The following ATP6V0E2 variants were observed in gnomAD, a reference collection of about 807,000 sequenced individuals.
ATP6V0E2 encodes the protein V-type proton ATPase subunit e 2.
ATP6V0E2 carries 4 observed loss-of-function variants against 11.5 expected under a neutral mutation model. That is an observed-to-expected ratio of 0.35 (90% confidence interval 0.17 to 0.80). The LOEUF (loss-of-function observed/expected upper bound fraction) is 0.80. Ranked by LOEUF, ATP6V0E2 falls within the 30% of genes least tolerant of loss-of-function variation. The pLI, the probability that ATP6V0E2 is intolerant of heterozygous loss-of-function variation, is 0.53. For synonymous variants in ATP6V0E2, 52 were observed against 51.0 expected (o/e 1.02, Z -0.09); for missense variants, 93 against 113.5 (o/e 0.82, Z 0.82).
chr7:149,873,372 G>C (rs1802933935), upstream of ATP6V0E2: 1 of 152,452 alleles, frequency 6.6e-6, no homozygotes, highest in Admixed American at 6.5e-5. Flanking sequence ...TCCGCTTCCC[G>C]CCATCGAAAC....
At chr7:149,877,630 T>A (rs967886293) in intron 2 of ATP6V0E2, among the ~76,000 whole-genome samples, 1 of 151,642 alleles carries the variant, frequency 6.6e-6, no homozygotes, top group Non-Finnish European at 1.5e-5. Context: ...CTAATGCTAT[T>A]TCTAGGTCCT....
chr7:149,874,129 A>G lies in ATP6V0E2; in HGVS notation c.64A>G (p.Ile22Val), dbSNP rs889602577. 1.7e-5 allele frequency: 26 copies of G among 1,549,740 alleles called. No individual in the cohort carries two copies. Among genetic ancestry groups the G allele is most frequent in the South Asian group, 4.8e-5 (4 of 84,060 alleles). The change falls in exon 1 of 4, where the codon ATC becomes GTC. Residue 22 changes from isoleucine (I) to valine (V), a missense_variant. By Grantham distance (29) the Ile-to-Val change is conservative. Transcript: ENST00000425642. ...CACCACGTTCTGGGGCCTCGTCGGC[A>G]TCGCCGGGCCCTGGTTCGTGCCGAA... is the stretch of plus-strand genomic sequence containing the variant. ...IFTTFWGLVGIAGPWFVPKGP... is the reference protein window; with the variant it reads ...IFTTFWGLVGVAGPWFVPKGP...
chr7:149,875,584 C>T lies in ATP6V0E2; in HGVS notation c.105-14C>T. The T allele has an allele frequency of 6.2e-7, 1 of 1,613,750 alleles. No individual in the cohort carries two copies. Among genetic ancestry groups the T allele is most frequent in the Non-Finnish European group, 8.5e-7 (1 of 1,179,794 alleles). ...GGCTGCATTTGTTCTGACCCGTGTC[C>T]TCTTCTGCTGCAGAGTGATCATCAC... On this transcript the variant is annotated splice_polypyrimidine_tract_variant and intron_variant, in intron 1 of 3. Coordinates refer to ENST00000425642, the MANE Select transcript of ATP6V0E2 (RefSeq NM_145230.4).
chr7:149,876,142 C>T (rs1803120178), intron 2 of ATP6V0E2: 1 of 454,656 alleles, frequency 2.2e-6, no homozygotes, highest in African/African-American at 2.0e-5. Flanking sequence ...CTTTGGGAGG[C>T]TGAGGTGGGT....
At chr7:149,873,622 G>A (rs536583195), upstream of ATP6V0E2, 21 of 309,322 alleles carry the variant, frequency 6.8e-5, no homozygotes, top group South Asian at 2.2e-3. Context: ...GGCGGCCCAG[G>A]CTGCGGGTCC....
upstream of ATP6V0E2, chr7:149,873,870 G>T: frequency 6.8e-7 from 1 of 1,460,738 alleles, no homozygotes; most frequent in Non-Finnish European, 9.0e-7. Context: ...ATCAGCGAGT[G>T]GGCTCCTAGG....
In ATP6V0E2 at chr7:149,879,404, A is replaced by G. The variant is rs755883676; in HGVS notation, c.*89A>G. On this transcript the variant is annotated 3_prime_UTR_variant, in exon 4 of 4. Transcript: ENST00000425642. ...CCCCTTCGTCCGGACCCTCCCCCAC[A>G]CAACTATGTCTGGTCACCAGCTCCC... is the stretch of plus-strand genomic sequence containing the variant. 1.5e-5 allele frequency: 24 copies of G among 1,601,490 alleles called. No individual in the cohort carries two copies. The Admixed American group carries it at 2.7e-4, about 18-fold the overall frequency.
chr7:149,879,535 G>A lies in ATP6V0E2; in HGVS notation c.*220G>A, dbSNP rs894237250. 8.3e-6 allele frequency: 13 copies of A among 1,563,496 alleles called. No individual in the cohort carries two copies. The Admixed American group carries it at 2.3e-4, about 27-fold the overall frequency. ...GCCCTGGGGAGCCCTGGGCACAGCAGCGGCCGAGGGGATGTCCTGCTCCAA... is the reference window on the plus strand; with the variant it reads ...GCCCTGGGGAGCCCTGGGCACAGCAACGGCCGAGGGGATGTCCTGCTCCAA... On this transcript the variant is annotated 3_prime_UTR_variant, in exon 4 of 4. Transcript: ENST00000425642.
intron 1 of ATP6V0E2, 105 bp downstream of exon 1, chr7:149,874,274 G>C (rs1414163657): frequency 7.2e-7 from 1 of 1,389,756 alleles, no homozygotes; most frequent in Non-Finnish European, 9.5e-7. Flanking sequence ...GCGAGCGTCC[G>C]CAGGAGGGAC....
chr7:149,877,889 T>G (rs536023070), intron 2 of ATP6V0E2, among the ~76,000 whole-genome samples: 1 of 152,170 alleles, frequency 6.6e-6, no homozygotes, highest in Non-Finnish European at 1.5e-5. Flanking sequence ...TCGGAGAGAA[T>G]GCTGATGTAA....
At chr7:149,875,157 T>C (rs910869858) in intron 1 of ATP6V0E2, 1 of 200,856 alleles carries the variant, frequency 5.0e-6, no homozygotes, top group Admixed American at 5.3e-5. Context: ...TCACTGGGCC[T>C]CAGAACTGGC....
At position 149,880,011 on chromosome 7, in the gene ATP6V0E2, T is replaced by G; in HGVS notation, c.*696T>G. On this transcript the variant is annotated 3_prime_UTR_variant, in exon 4 of 4. Transcript: ENST00000425642. The stretch of plus-strand genomic sequence containing the variant: ...CCTGGACCTCCCTCAGTGGATGTCT[T>G]CCCTCCCCCGACCCCAGCCTGTCAG... The G allele has an allele frequency of 4.8e-6, 1 of 206,518 alleles. No homozygotes were observed. Among genetic ancestry groups the G allele is most frequent in the Non-Finnish European group, 9.6e-6 (1 of 104,034 alleles). 12.8% of individuals were successfully genotyped at this position (206,518 alleles called of 1,614,324 possible).
intron 1 of ATP6V0E2, 41 bp downstream of exon 1, chr7:149,874,210 G>A (rs1203320740): frequency 6.6e-7 from 1 of 1,511,640 alleles, no homozygotes; most frequent in Non-Finnish European, 8.9e-7. Context: ...CTCCACCCCG[G>A]CCCCCTGGCC....
chr7:149,874,146 C>T lies in ATP6V0E2; in HGVS notation c.81C>T (p.Phe27=). 6.5e-7 allele frequency: 1 copy of T among 1,549,614 alleles called. No homozygotes were observed. Among genetic ancestry groups the T allele is most frequent in the Non-Finnish European group, 8.7e-7 (1 of 1,146,446 alleles). Residue 27 remains phenylalanine (F), a synonymous_variant, in exon 1 of 4, where the codon TTC becomes TTT. Coordinates refer to ENST00000425642, the MANE Select transcript of ATP6V0E2 (RefSeq NM_145230.4). ...TCGTCGGCATCGCCGGGCCCTGGTT[C>T]GTGCCGAAGGGACCCAACCGCGGGT... ...WGLVGIAGPW[F]VPKGPNRGVI...
intron 1 of ATP6V0E2, chr7:149,874,871 T>G (rs904431793): frequency 1.3e-5 from 2 of 153,310 alleles, no homozygotes; most frequent in African/African-American, 4.8e-5. Context: ...TTGCAGTGCT[T>G]TAGATCAAAG....
At position 149,875,621 on chromosome 7, in the gene ATP6V0E2, C is replaced by T. The variant is rs759920372; in HGVS notation, c.128C>T (p.Ala43Val). 7 of 1,613,770 alleles carry T rather than the reference C, an allele frequency of 4.3e-6. No individual in the cohort carries two copies. The highest frequency in any genetic ancestry group is 5.9e-6 in the Non-Finnish European group (7 of 1,179,880). ...NRGVIITMLV[A>V]TAVCCYLFWL... ...AGAGTGATCATCACCATGCTGGTCG[C>T]CACCGCCGTCTGCTGTTACCTCTTG... is the stretch of plus-strand genomic sequence containing the variant. The change falls in exon 2 of 4, where the codon GCC becomes GTC. Residue 43 changes from alanine to valine, a missense_variant. Transcript: ENST00000425642.
chr7:149,875,349 TGAAGG>T (rs1328988980), intron 1 of ATP6V0E2, among the ~76,000 whole-genome samples: 2 of 152,254 alleles, frequency 1.3e-5, no homozygotes, highest in Non-Finnish European at 2.9e-5. Flanking sequence ...AGAAGGGAAA[TGAAGG>T]GAAGGATTCT....
intron 3 of ATP6V0E2, 176 bp from the exon 4 acceptor site, chr7:149,879,159 C>T: frequency 1.4e-6 from 2 of 1,399,152 alleles, no homozygotes; most frequent in Non-Finnish European, 1.8e-6. Context: ...CTCCCCCATC[C>T]TCACAGCGCT....
intron 2 of ATP6V0E2, among the ~76,000 whole-genome samples, chr7:149,876,485 C>A (rs1803149961): frequency 6.6e-6 from 1 of 152,202 alleles, no homozygotes; most frequent in Non-Finnish European, 1.5e-5. Context: ...GTGAGGAAAT[C>A]AGTTTGCAGA....
Sources: gnomAD v4.1 joint callset for allele counts (sites outside exome capture counted in the v4.1 genomes callset) on GRCh38, gnomAD v4.1.1 for gene constraint, MANE v1.5 for transcripts, NCBI Gene and HGNC (gene_info 2026-07-23, HGNC 2026-07-21) for gene names.